OR5K3: variants seen among roughly 807,000 people sequenced by gnomAD.
OR5K3 encodes the protein olfactory receptor family 5 subfamily K member 3.
For missense variants in OR5K3, 498 were observed against 383.2 expected, an observed-to-expected ratio of 1.30 and a Z score of -2.50; for synonymous variants, 178 against 132.6, an observed-to-expected ratio of 1.34 and a Z score of -2.35.
At position 98,390,860 on chromosome 3, in the gene OR5K3, C is replaced by T; in HGVS notation, c.195C>T (p.Asn65=). 3.1e-6 allele frequency: 5 copies of T among 1,614,184 alleles called. No homozygotes were observed. Among genetic ancestry groups the T allele is most frequent in the Non-Finnish European group, 3.4e-6 (4 of 1,180,028 alleles). Residue 65 remains asparagine (N), a synonymous_variant, in exon 1 of 1, where the codon AAC becomes AAT. Transcript: ENST00000383695. The part of the protein sequence containing the change: ...LHTPMYIFLG[N]LVLMDSCCSS... ...CACCAATGTACATATTTTTAGGCAA[C>T]CTAGTTCTGATGGATTCCTGCTGTT...
chr3:98,390,753 G>A lies in OR5K3; in HGVS notation c.88G>A (p.Val30Met), dbSNP rs772916240. The A allele has an allele frequency of 6.2e-7, 1 of 1,614,128 alleles. No individual in the cohort carries two copies. Among genetic ancestry groups the A allele is most frequent in the South Asian group, 1.1e-5 (1 of 91,082 alleles). ...AAAGCTGAAGACTGTTCTGTTTGTG[G>A]TGTTCTTTGCCATCTATCTGATCAC... The part of the protein sequence containing the change: ...HPKLKTVLFV[V>M]FFAIYLITMV... The change falls in exon 1 of 1, where the codon GTG becomes ATG. Residue 30 changes from valine (V) to methionine (M), a missense_variant. Val to Met is a conservative substitution (Grantham distance 21, BLOSUM62 1). Coordinates refer to ENST00000383695, the MANE Select transcript of OR5K3 (RefSeq NM_001005516.1).
chr3:98,391,519 CT>C lies in OR5K3; in HGVS notation c.858del (p.Phe286LeufsTer5). The C allele has an allele frequency of 6.9e-7, 1 of 1,442,548 alleles. No individual in the cohort carries two copies. The highest frequency in any genetic ancestry group is 2.0e-5 in the Admixed American group (1 of 50,842). 89.4% of individuals were successfully genotyped at this position (1,442,548 alleles called of 1,614,324 possible). On this transcript the variant is annotated frameshift_variant, in exon 1 of 1. Transcript: ENST00000383695. LOFTEE classifies it low-confidence loss of function (END_TRUNC). ...ACTTTAGTTATTCCTTTATTAAATC[CT>C]TTTATTTATAGCCTAAGAAATAAGG... Reference protein sequence around the residue: ...FYTLVIPLLNPFIYSLRNKEV... With the variant: ...FYTLVIPLLNXFIYSLRNKEV...
At position 98,390,698 on chromosome 3, in the gene OR5K3, G is replaced by A. The variant is rs1173817830; in HGVS notation, c.33G>A (p.Glu11=). The A allele has an allele frequency of 6.2e-7, 1 of 1,613,894 alleles. No homozygotes were observed. The highest frequency in any genetic ancestry group is 1.1e-5 in the South Asian group (1 of 91,054). Residue 11 remains glutamate (E), a synonymous_variant, in exon 1 of 1, where the codon GAG becomes GAA. Coordinates refer to ENST00000383695, the MANE Select transcript of OR5K3 (RefSeq NM_001005516.1). The part of the protein sequence containing the change: MNKENHSLIA[E]FILTGFTYHP... ...AGGAGAATCACTCCTTGATAGCTGA[G>A]TTCATCCTCACAGGATTTACATATC... is the stretch of plus-strand genomic sequence containing the variant.
At position 98,391,443 on chromosome 3, in the gene OR5K3, C is replaced by G. The variant is rs114784912; in HGVS notation, c.778C>G (p.Pro260Ala). Reference sequence around the variant, plus strand: ...TTCCCTTCTCTTCATGTATGCTCGACCAGGTGCAGTTAATGAAGGGGATAA... The same window carrying G: ...TTCCCTTCTCTTCATGTATGCTCGAGCAGGTGCAGTTAATGAAGGGGATAA... ...CDSLLFMYAR[P>A]GAVNEGDKDI... Residue 260 changes from proline to alanine, a missense_variant, in exon 1 of 1, where the codon CCA (proline) becomes GCA (alanine). Transcript: ENST00000383695. The G allele has an allele frequency of 1.9e-6, 3 of 1,598,392 alleles. No homozygotes were observed. The East Asian group carries it at 6.7e-5, about 36-fold the overall frequency.
At position 98,390,771 on chromosome 3, in the gene OR5K3, C is replaced by T. The variant is rs765851358; in HGVS notation, c.106C>T (p.Leu36=). 73 of 1,614,006 alleles carry T rather than the reference C, an allele frequency of 4.5e-5. No individual in the cohort carries two copies. The highest frequency in any genetic ancestry group is 5.8e-5 in the Non-Finnish European group (69 of 1,180,016). ...GTTTGTGGTGTTCTTTGCCATCTAT[C>T]TGATCACCATGGTGGGGAACATTGG... ...VLFVVFFAIY[L]ITMVGNIGLV... The change falls in exon 1 of 1, where the codon CTG becomes TTG. Residue 36 remains leucine (L), a synonymous_variant. Transcript: ENST00000383695.
rs773659638 is a variant in OR5K3, at chr3:98,391,062, C to T, written c.397C>T (p.His133Tyr). 13 of 1,614,098 alleles carry T rather than the reference C, an allele frequency of 8.1e-6. No homozygotes were observed. In the African/African-American group the frequency reaches 1.3e-4, roughly 17 times the overall value. ...YVAICNPLQY[H>Y]TMMSKTLCIQ... Reference sequence around the variant, plus strand: ...GGCCATATGCAACCCACTGCAGTACCACACCATGATGTCCAAGACACTCTG... The same window carrying T: ...GGCCATATGCAACCCACTGCAGTACTACACCATGATGTCCAAGACACTCTG... Residue 133 changes from histidine (H) to tyrosine (Y), a missense_variant, in exon 1 of 1, where the codon CAC becomes TAC. Physicochemically the swap from His to Tyr is moderately conservative, Grantham distance 83 (BLOSUM62 2). Transcript: ENST00000383695.
In OR5K3 at chr3:98,390,812, TTA is replaced by T. The variant is rs1269102616; in HGVS notation, c.152_153del (p.Ile51ArgfsTer37). ...GGAACATTGGTTTGGTGGCATTGAT[TTA>T]TATAGAGCAACGTCTTCACACACCA... ...VGNIGLVALI[Y>X]IEQRLHTPMY... On this transcript the variant is annotated frameshift_variant, in exon 1 of 1. Transcript: ENST00000383695. LOFTEE classifies it low-confidence loss of function (END_TRUNC). The T allele has an allele frequency of 6.2e-7, 1 of 1,614,160 alleles. No individual in the cohort carries two copies. Among genetic ancestry groups the T allele is most frequent in the Admixed American group, 1.7e-5 (1 of 60,024 alleles).
rs749485140 is a variant in OR5K3, at chr3:98,391,375, C to A, written c.710C>A (p.Ser237Tyr). The stretch of plus-strand genomic sequence containing the variant: ...AAGGAGGGAAGAGGCAAAGCTTTAT[C>A]TACTTGTGCATCTCACTTTCTCTCT... ...KSKEGRGKALSTCASHFLSVS... is the reference protein window; with the variant it reads ...KSKEGRGKALYTCASHFLSVS... Residue 237 changes from serine (S) to tyrosine (Y), a missense_variant, in exon 1 of 1, where the codon TCT (serine) becomes TAT (tyrosine). Ser to Tyr is a moderately radical substitution (Grantham distance 144). Coordinates refer to ENST00000383695, the MANE Select transcript of OR5K3 (RefSeq NM_001005516.1). 1 of 1,608,216 alleles carries A rather than the reference C, an allele frequency of 6.2e-7. No homozygotes were observed. Among genetic ancestry groups the A allele is most frequent in the South Asian group, 1.1e-5 (1 of 89,086 alleles).
At position 98,390,740 on chromosome 3, in the gene OR5K3, T is replaced by C; in HGVS notation, c.75T>C (p.Thr25=). 1.2e-6 allele frequency: 2 copies of C among 1,614,124 alleles called. No individual in the cohort carries two copies. Among genetic ancestry groups the C allele is most frequent in the African/African-American group, 1.3e-5 (1 of 75,048 alleles). ...TGFTYHPKLK[T]VLFVVFFAIY... is the part of the protein sequence containing the mutation. ...TTACATATCATCCAAAGCTGAAGAC[T>C]GTTCTGTTTGTGGTGTTCTTTGCCA... Residue 25 remains threonine (T), a synonymous_variant, in exon 1 of 1, where the codon ACT becomes ACC. Coordinates refer to ENST00000383695, the MANE Select transcript of OR5K3 (RefSeq NM_001005516.1).
chr3:98,390,742 T>C lies in OR5K3; in HGVS notation c.77T>C (p.Val26Ala). The change falls in exon 1 of 1, where the codon GTT becomes GCT. Residue 26 changes from valine to alanine, a missense_variant. Val to Ala is a moderately conservative substitution (Grantham distance 64). Coordinates refer to ENST00000383695, the MANE Select transcript of OR5K3 (RefSeq NM_001005516.1). ...ACATATCATCCAAAGCTGAAGACTG[T>C]TCTGTTTGTGGTGTTCTTTGCCATC... ...GFTYHPKLKT[V>A]LFVVFFAIYL... The C allele has an allele frequency of 1.2e-6, 2 of 1,614,140 alleles. No homozygotes were observed. The highest frequency in any genetic ancestry group is 2.7e-5 in the African/African-American group (2 of 75,040).
chr3:98,391,397 C>G lies in OR5K3; in HGVS notation c.732C>G (p.Leu244=), dbSNP rs776622790. 5.3e-5 allele frequency: 85 copies of G among 1,605,976 alleles called. No individual in the cohort carries two copies. Among genetic ancestry groups the G allele is most frequent in the Middle Eastern group, 1.7e-4 (1 of 6,044 alleles). Residue 244 remains leucine (L), a synonymous_variant, in exon 1 of 1, where the codon CTC becomes CTG. Transcript: ENST00000383695. Reference sequence around the variant, plus strand: ...TATCTACTTGTGCATCTCACTTTCTCTCTGTGTCAATATTCTGTGATTCCC... The same window carrying G: ...TATCTACTTGTGCATCTCACTTTCTGTCTGTGTCAATATTCTGTGATTCCC... ...KALSTCASHF[L]SVSIFCDSLL...
Position 98,391,545 on chromosome 3 carries a change from G to A in OR5K3, c.880G>A (p.Glu294Lys), listed in dbSNP as rs1469038219. ...NPFIYSLRNK[E>K]VINIMKKIMK... ...TTTTATTTATAGCCTAAGAAATAAG[G>A]AAGTAATAAATATTATGAAAAAAAT... The change falls in exon 1 of 1, where the codon GAA becomes AAA. Residue 294 changes from glutamate (E) to lysine (K), a missense_variant. Physicochemically the swap from Glu to Lys is moderately conservative, Grantham distance 56. Coordinates refer to ENST00000383695, the MANE Select transcript of OR5K3 (RefSeq NM_001005516.1). 2.9e-6 allele frequency: 4 copies of A among 1,396,716 alleles called. No homozygotes were observed. Among genetic ancestry groups the A allele is most frequent in the South Asian group, 1.5e-5 (1 of 66,826 alleles). 86.5% of individuals were successfully genotyped at this position (1,396,716 alleles called of 1,614,324 possible). A position where few individuals can be genotyped will look rare whatever the true frequency, so the allele number is the denominator to read the frequency against.
chr3:98,390,719 A>G lies in OR5K3; in HGVS notation c.54A>G (p.Thr18=), dbSNP rs201488395. ...LIAEFILTGF[T]YHPKLKTVLF... ...CTGAGTTCATCCTCACAGGATTTAC[A>G]TATCATCCAAAGCTGAAGACTGTTC... Residue 18 remains threonine (T), a synonymous_variant, in exon 1 of 1, where the codon ACA becomes ACG. Coordinates refer to ENST00000383695, the MANE Select transcript of OR5K3 (RefSeq NM_001005516.1). 9 of 1,614,040 alleles carry G rather than the reference A, an allele frequency of 5.6e-6. No homozygotes were observed. Among genetic ancestry groups the G allele is most frequent in the Non-Finnish European group, 7.6e-6 (9 of 1,179,996 alleles).
At position 98,391,148 on chromosome 3, in the gene OR5K3, G is replaced by A. The variant is rs902358841; in HGVS notation, c.483G>A (p.Glu161=). The A allele has an allele frequency of 6.8e-5, 110 of 1,614,012 alleles. No individual in the cohort carries two copies. Among genetic ancestry groups the A allele is most frequent in the Non-Finnish European group, 8.7e-5 (103 of 1,180,030 alleles). Residue 161 remains glutamate (E), a synonymous_variant, in exon 1 of 1, where the codon GAG becomes GAA. Transcript: ENST00000383695. ...AGNLHPMIEV[E]FLLRLTFCGS... Reference sequence around the variant, plus strand: ...ACCTGCATCCCATGATTGAAGTAGAGTTTCTGTTGAGGTTAACTTTCTGTG... The same window carrying A: ...ACCTGCATCCCATGATTGAAGTAGAATTTCTGTTGAGGTTAACTTTCTGTG...
At position 98,391,297 on chromosome 3, in the gene OR5K3, T is replaced by C; in HGVS notation, c.632T>C (p.Ile211Thr). Residue 211 changes from isoleucine (I) to threonine (T), a missense_variant, in exon 1 of 1, where the codon ATA becomes ACA. Transcript: ENST00000383695. ...GCAGGATCAATTCAAATCTTTACTATAGTCTTAGTTTCTTATTTCTACATC... is the reference window on the plus strand; with the variant it reads ...GCAGGATCAATTCAAATCTTTACTACAGTCTTAGTTTCTTATTTCTACATC... Reference protein sequence around the residue: ...ILAGSIQIFTIVLVSYFYILF... With the variant: ...ILAGSIQIFTTVLVSYFYILF... 1 of 1,607,984 alleles carries C rather than the reference T, an allele frequency of 6.2e-7. No homozygotes were observed. Among genetic ancestry groups the C allele is most frequent in the Admixed American group, 1.7e-5 (1 of 59,778 alleles).
At position 98,391,299 on chromosome 3, in the gene OR5K3, G is replaced by GTCT. The variant is rs1707467395; in HGVS notation, c.636_638dup (p.Val212_Leu213insPhe). ...AGGATCAATTCAAATCTTTACTATAGTCTTAGTTTCTTATTTCTACATCCT... is the reference window on the plus strand; with the variant it reads ...AGGATCAATTCAAATCTTTACTATAGTCTTCTTAGTTTCTTATTTCTACATCCT... On this transcript the variant is annotated inframe_insertion, in exon 1 of 1. Transcript: ENST00000383695. 1 of 1,608,598 alleles carries GTCT rather than the reference G, an allele frequency of 6.2e-7. No homozygotes were observed. Among genetic ancestry groups the GTCT allele is most frequent in the African/African-American group, 1.3e-5 (1 of 74,678 alleles).
At position 98,391,376 on chromosome 3, in the gene OR5K3, T is replaced by C. The variant is rs768758776; in HGVS notation, c.711T>C (p.Ser237=). 6.2e-7 allele frequency: 1 copy of C among 1,608,100 alleles called. No individual in the cohort carries two copies. Among genetic ancestry groups the C allele is most frequent in the South Asian group, 1.1e-5 (1 of 89,002 alleles). Residue 237 remains serine, a synonymous_variant, in exon 1 of 1, where the codon TCT becomes TCC. Coordinates refer to ENST00000383695, the MANE Select transcript of OR5K3 (RefSeq NM_001005516.1). Reference sequence around the variant, plus strand: ...AGGAGGGAAGAGGCAAAGCTTTATCTACTTGTGCATCTCACTTTCTCTCTG... The same window carrying C: ...AGGAGGGAAGAGGCAAAGCTTTATCCACTTGTGCATCTCACTTTCTCTCTG... ...KSKEGRGKAL[S]TCASHFLSVS... is the part of the protein sequence containing the mutation.
Position 98,391,209 on chromosome 3 carries a change from C to G in OR5K3, c.544C>G (p.Leu182Val), listed in dbSNP as rs753560241. 1 of 1,612,754 alleles carries G rather than the reference C, an allele frequency of 6.2e-7. No individual in the cohort carries two copies. Among genetic ancestry groups the G allele is most frequent in the South Asian group, 1.1e-5 (1 of 91,048 alleles). ...HQINHFFCDV[L>V]PLYRLSCINP... is the part of the protein sequence containing the mutation. ...AATCAATCATTTTTTCTGTGATGTT[C>G]TTCCATTATATAGACTTTCTTGTAT... The change falls in exon 1 of 1, where the codon CTT becomes GTT. Residue 182 changes from leucine (L) to valine (V), a missense_variant. By Grantham distance (32) the Leu-to-Val change is conservative. Coordinates refer to ENST00000383695, the MANE Select transcript of OR5K3 (RefSeq NM_001005516.1).
chr3:98,391,322 C>A lies in OR5K3; in HGVS notation c.657C>A (p.Ile219=). ...FTIVLVSYFY[I]LFTIFTMKSK... is the part of the protein sequence containing the mutation. ...TAGTCTTAGTTTCTTATTTCTACAT[C>A]CTTTTCACAATATTTACAATGAAAT... Residue 219 remains isoleucine, a synonymous_variant, in exon 1 of 1, where the codon ATC becomes ATA. Coordinates refer to ENST00000383695, the MANE Select transcript of OR5K3 (RefSeq NM_001005516.1). The A allele has an allele frequency of 6.2e-7, 1 of 1,609,062 alleles. No individual in the cohort carries two copies. Among genetic ancestry groups the A allele is most frequent in the South Asian group, 1.1e-5 (1 of 90,192 alleles).
Sources: gnomAD v4.1 joint callset for allele counts on GRCh38, gnomAD v4.1.1 for gene constraint, MANE v1.5 for transcripts, NCBI Gene and HGNC (gene_info 2026-07-23, HGNC 2026-07-21) for gene names.